Variants in NGFR observed in about 807,000 individuals in gnomAD.
NGFR encodes the protein nerve growth factor receptor, also known as tumor necrosis factor receptor superfamily member 16.
A neutral mutation model predicts 43.2 loss-of-function variants in NGFR; 30 were observed. That is an observed-to-expected ratio of 0.69 (90% CI 0.52 to 0.94). The LOEUF is 0.94. NGFR is among the 40% of genes least tolerant of loss of function. The pLI, the probability that NGFR is intolerant of heterozygous loss-of-function variation, is 0.00. For synonymous variants in NGFR, 246 were observed against 259.6 expected (o/e 0.95, Z 0.50); for missense variants, 529 against 602.5 (o/e 0.88, Z 1.28).
At chr17:49,501,999 A>AGGGGGCGCCC in intron 1 of NGFR, 64 bp from the exon 2 acceptor site, 1 of 330,984 alleles carries the variant, frequency 3.0e-6, no homozygotes, top group Non-Finnish European at 5.9e-6. Context: ...TCCCCGGAAG[A>AGGGGGCGCCC]ACCCCCCCCA....
At chr17:49,509,865 AG>A (rs1293974760) in intron 3 of NGFR, among the ~76,000 whole-genome samples, 1 of 152,114 alleles carries the variant, frequency 6.6e-6, no homozygotes, top group Non-Finnish European at 1.5e-5. Flanking sequence ...GCTCTCAGGG[AG>A]GTGGTGTGGG....
rs1184840211 is a variant in NGFR, at chr17:49,512,006, G to A, written c.936G>A (p.Gln312=). The part of the protein sequence containing the change: ...HSDSGISVDS[Q]SLHDQQPHTQ... ...ACAGTGGCATCTCCGTGGACAGCCA[G>A]AGCCTGCATGACCAGCAGCCCCACA... Residue 312 remains glutamine (Q), a synonymous_variant, in exon 5 of 6, where the codon CAG becomes CAA. Transcript: ENST00000172229. The surrounding 1 kb of genome is among the most constrained non-coding windows in gnomAD (Gnocchi z 5.2). 2 of 1,613,888 alleles carry A rather than the reference G, an allele frequency of 1.2e-6. No homozygotes were observed. The highest frequency in any genetic ancestry group is 2.2e-5 in the South Asian group (2 of 91,040).
chr17:49,509,281 G>A (rs990095077), intron 3 of NGFR, among the ~76,000 whole-genome samples: 3 of 152,208 alleles, frequency 2.0e-5, no homozygotes, highest in African/African-American at 2.4e-5. Flanking sequence ...GCTTGGGTGG[G>A]CAAAGTGGGG....
chr17:49,501,072 G>GA (rs1484855025), intron 1 of NGFR, among the ~76,000 whole-genome samples: 4 of 152,126 alleles, frequency 2.6e-5, no homozygotes, highest in Non-Finnish European at 5.9e-5. Flanking sequence ...TAGACATTAA[G>GA]TTTTTTTTAA....
intron 3 of NGFR, among the ~76,000 whole-genome samples, chr17:49,507,064 G>A (rs1236554947): frequency 1.3e-5 from 2 of 152,184 alleles, no homozygotes; most frequent in Non-Finnish European, 2.9e-5. Flanking sequence ...TGATCCATGA[G>A]GCAGGCTTTC....
Position 49,502,139 on chromosome 17 carries a change from A to G in NGFR, c.143A>G (p.Asn48Ser), listed in dbSNP as rs1456316333. 2.5e-6 allele frequency: 4 copies of G among 1,612,762 alleles called. No individual in the cohort carries two copies. The African/African-American group carries it at 4.0e-5, about 16-fold the overall frequency. ...THSGECCKAC[N>S]LGEGVAQPCG... is the part of the protein sequence containing the mutation. ...AGCGGTGAGTGCTGCAAAGCCTGCA[A>G]CCTGGGCGAGGGTGTGGCCCAGCCT... Residue 48 changes from asparagine to serine, a missense_variant, in exon 2 of 6, where the codon AAC becomes AGC. Transcript: ENST00000172229.
At chr17:49,506,106 C>T in intron 2 of NGFR, 193 bp from the exon 3 acceptor site, 1 of 1,155,186 alleles carries the variant, frequency 8.7e-7, no homozygotes, top group Non-Finnish European at 1.2e-6. Context: ...GCCTCCTCCC[C>T]CTTTCCCAGT....
intron 4 of NGFR, 91 bp from the exon 5 acceptor site, chr17:49,511,801 C>A: frequency 7.1e-7 from 1 of 1,408,594 alleles, no homozygotes; most frequent in Non-Finnish European, 9.4e-7. Flanking sequence ...CGCCATGCCC[C>A]TGGCCCTCAC....
chr17:49,501,689 G>A (rs1159171301), intron 1 of NGFR, among the ~76,000 whole-genome samples: 5 of 152,246 alleles, frequency 3.3e-5, no homozygotes, highest in African/African-American at 1.2e-4. Context: ...GGAGCCCTGT[G>A]CAAGCTACAA....
chr17:49,502,000 A>ACGGGCCCCCCC, intron 1 of NGFR, 63 bp from the exon 2 acceptor site: 1 of 264,886 alleles, frequency 3.8e-6, no homozygotes. Context: ...CCCCGGAAGA[A>ACGGGCCCCCCC]CCCCCCCCAA....
At chr17:49,506,765 G>A in intron 3 of NGFR, 107 bp downstream of exon 3, 4 of 1,165,956 alleles carry the variant, frequency 3.4e-6, no homozygotes, top group Non-Finnish European at 4.7e-6. Flanking sequence ...GGCCTGCTGG[G>A]GCAGCTTGGT....
In NGFR at chr17:49,513,300, A is replaced by G; in HGVS notation, c.*291A>G. The G allele has an allele frequency of 2.3e-6, 1 of 436,866 alleles. No individual in the cohort carries two copies. Among genetic ancestry groups the G allele is most frequent in the Non-Finnish European group, 4.1e-6 (1 of 244,482 alleles). 27.1% of individuals were successfully genotyped at this position (436,866 alleles called of 1,614,324 possible). ...CAGGCCACCTGCCCCCTTCTCCCAC[A>G]CTGCTAGGTGGGCCAGCCCCTCCCA... On this transcript the variant is annotated 3_prime_UTR_variant, in exon 6 of 6. Coordinates refer to ENST00000172229, the MANE Select transcript of NGFR (RefSeq NM_002507.4).
At chr17:49,505,685 T>C (rs577564430) in intron 2 of NGFR, 1 of 152,576 alleles carries the variant, frequency 6.6e-6, no homozygotes, top group African/African-American at 2.4e-5. Flanking sequence ...GCTCCTGCCT[T>C]ACCTGAGCCC....
chr17:49,499,913 T>C (rs2071158010), intron 1 of NGFR, among the ~76,000 whole-genome samples: 1 of 152,136 alleles, frequency 6.6e-6, no homozygotes, highest in African/African-American at 2.4e-5. Context: ...CCAAGGCGAG[T>C]TCCACAGTTT....
At chr17:49,511,795 A>G (rs2071234206) in intron 4 of NGFR, 97 bp from the exon 5 acceptor site, 2 of 1,384,758 alleles carry the variant, frequency 1.4e-6, no homozygotes, top group Non-Finnish European at 1.9e-6. Context: ...GGCACCCGCC[A>G]TGCCCCTGGC....
intron 1 of NGFR, 45 bp from the exon 2 acceptor site, chr17:49,502,018 C>CCCCCCCAAAGA: frequency 7.6e-7 from 1 of 1,320,360 alleles, no homozygotes; most frequent in Non-Finnish European, 1.0e-6. Context: ...CAACCCACCC[C>CCCCCCCAAAGA]AGCTTTCTCT....
Position 49,495,896 on chromosome 17 carries a change from A to G in NGFR, c.66+413A>G. On this transcript the variant is annotated intron_variant, in intron 1 of 5. Transcript: ENST00000172229. This position sits in a 1 kb window ranked among gnomAD's most constrained non-coding sequence, Gnocchi z 6.4. ...GGGACAGAACCAAGGCGAGAGAAGG[A>G]GGGGGAACTGGACGGGGACTAGAGA... The G allele has an allele frequency of 5.9e-6, 1 of 168,552 alleles. No homozygotes were observed. The highest frequency in any genetic ancestry group is 1.2e-5 in the Non-Finnish European group (1 of 80,280). The allele number at this position is 168,552 out of a possible 1,614,324, so 10.4% of individuals were successfully genotyped here.
chr17:49,512,189 G>C lies in NGFR; in HGVS notation c.982+137G>C, dbSNP rs1490926932. 9.0e-6 allele frequency: 10 copies of C among 1,105,120 alleles called. No homozygotes were observed. The highest frequency in any genetic ancestry group is 3.2e-5 in the African/African-American group (2 of 63,042). The allele number at this position is 1,105,120 out of a possible 1,614,324, so 68.5% of individuals were successfully genotyped here. ...GGTGCCCCTGTAGATGGATGGAGAG[G>C]CTGGCCGAGGGGAATGGGAGGGAGA... On this transcript the variant is annotated intron_variant, in intron 5 of 5. Transcript: ENST00000172229. This position sits in a 1 kb window ranked among gnomAD's most constrained non-coding sequence, Gnocchi z 5.2.
At chr17:49,501,999 A>AGGGGGCCCCCCC in intron 1 of NGFR, 64 bp from the exon 2 acceptor site, 3 of 330,984 alleles carry the variant, frequency 9.1e-6, no homozygotes, top group Non-Finnish European at 5.9e-6. Context: ...TCCCCGGAAG[A>AGGGGGCCCCCCC]ACCCCCCCCA....
Sources: allele counts gnomAD v4.1 joint callset (sites outside exome capture counted in the v4.1 genomes callset), GRCh38; gene constraint gnomAD v4.1.1; non-coding constraint Gnocchi (gnomAD v3.1); transcripts MANE v1.5; gene names NCBI Gene and HGNC (gene_info 2026-07-23, HGNC 2026-07-21).